Variants in RBFOX1 observed in about 807,000 individuals in gnomAD.
The protein encoded by RBFOX1 is RNA binding protein fox-1 homolog 1.
A neutral mutation model predicts 57.7 loss-of-function variants in RBFOX1; 8 were observed. The observed-to-expected ratio is 0.14, with a 90% CI of 0.08 to 0.25. The LOEUF (loss-of-function observed/expected upper bound fraction) is 0.25. Ranked by LOEUF, RBFOX1 falls within the 10% of genes least tolerant of loss-of-function variation. The pLI, the probability that RBFOX1 is intolerant of heterozygous loss-of-function variation, is 1.00. For missense variants in RBFOX1, 611 were observed against 548.5 expected, an observed-to-expected ratio of 1.11 and a Z score of -1.14; for synonymous variants, 326 against 222.4, an observed-to-expected ratio of 1.47 and a Z score of -4.15.
intron 4 of RBFOX1, among the ~76,000 whole-genome samples, chr16:7,342,883 C>T (rs1399308868): frequency 6.6e-6 from 1 of 152,124 alleles, no homozygotes; most frequent in African/African-American, 2.4e-5. Flanking sequence ...ATCAGGGGGC[C>T]ATGTCATTCT....
chr16:7,682,642 A>G (rs11642752), intron 14 of RBFOX1, among the ~76,000 whole-genome samples: 18,179 of 151,250 alleles, frequency 0.12, 1,255 homozygotes, highest in Middle Eastern at 0.19. Flanking sequence ...TCAAGTTGTA[A>G]TAAGAATGTA....
rs1567633599 is a variant in RBFOX1 at position 7,189,554 on chromosome 16, A to ACACACACACACACACACAC, written c.27+137456_27+137457insCACACACACACACACACAC. ...CACTCCAAAACACTATGTCCCCCAA[A>ACACACACACACACACACAC]ACACACACACACACACACACACACA... is the stretch of plus-strand genomic sequence containing the variant. On this transcript the variant is annotated intron_variant, in intron 4 of 15. Coordinates refer to ENST00000550418, the MANE Select transcript of RBFOX1 (RefSeq NM_018723.4). Among the ~76,000 whole-genome samples the ACACACACACACACACACAC allele has an allele frequency of 1.8e-4, 24 of 135,872 alleles. 1 individual carries two copies. Among genetic ancestry groups the ACACACACACACACACACAC allele is most frequent in the Non-Finnish European group, 3.4e-4 (22 of 63,972 alleles). 89.1% of individuals were successfully genotyped at this position (135,872 alleles called of 152,430 possible). A position where few individuals can be genotyped will look rare whatever the true frequency, so the allele number is the denominator to read the frequency against.
intron 2 of RBFOX1, among the ~76,000 whole-genome samples, chr16:6,610,965 C>T (rs1175661183): frequency 6.6e-6 from 1 of 152,182 alleles, no homozygotes; most frequent in African/African-American, 2.4e-5. Flanking sequence ...AATCTGCATT[C>T]ACTTAGCAGC....
chr16:6,190,495 G>C (rs545650003), intron 1 of RBFOX1, among the ~76,000 whole-genome samples: 2 of 152,174 alleles, frequency 1.3e-5, no homozygotes, highest in Non-Finnish European at 2.9e-5. Context: ...GATTATTTCA[G>C]AAAATTAGGA....
chr16:6,142,890 G>T (rs947584398), intron 1 of RBFOX1, among the ~76,000 whole-genome samples: 3 of 152,118 alleles, frequency 2.0e-5, no homozygotes, highest in Non-Finnish European at 4.4e-5. Context: ...AAATTCCCCT[G>T]ATGTTCTCTG....
intron 1 of RBFOX1, among the ~76,000 whole-genome samples, chr16:6,283,757 T>C (rs183579217): frequency 9.1e-4 from 139 of 152,332 alleles, no homozygotes; most frequent in African/African-American, 2.7e-3. Context: ...CTTTCTTTCT[T>C]TGCAGTACTC....
chr16:5,824,558 A>C (rs146884916), intron 3 of RBFOX1, among the ~76,000 whole-genome samples: 1 of 152,150 alleles, frequency 6.6e-6, no homozygotes, highest in Non-Finnish European at 1.5e-5. Flanking sequence ...GACACATGCA[A>C]TTTCCCTCCT....
At chr16:6,980,165 G>C (rs188267151) in intron 3 of RBFOX1, among the ~76,000 whole-genome samples, 7 of 152,098 alleles carry the variant, frequency 4.6e-5, no homozygotes, top group Non-Finnish European at 8.8e-5. Context: ...TTAAGCCTCC[G>C]CAGTTAGGAT....
At chr16:5,993,637 T>G (rs1237181239) in intron 4 of RBFOX1, among the ~76,000 whole-genome samples, 2 of 152,080 alleles carry the variant, frequency 1.3e-5, no homozygotes, top group Non-Finnish European at 2.9e-5. Context: ...AGGCATTAGT[T>G]CTCCATCAAG....
chr16:6,536,149 G>A (rs1019323612), intron 2 of RBFOX1, among the ~76,000 whole-genome samples: 1 of 152,060 alleles, frequency 6.6e-6, no homozygotes, highest in Non-Finnish European at 1.5e-5. Context: ...ATCATCACAA[G>A]ACCACAATCA....
chr16:6,723,243 A>G (rs2066404819), intron 3 of RBFOX1, among the ~76,000 whole-genome samples: 1 of 152,174 alleles, frequency 6.6e-6, no homozygotes, highest in Non-Finnish European at 1.5e-5. Flanking sequence ...ATACTGTGAG[A>G]CTTTGGGCAA....
intron 3 of RBFOX1, among the ~76,000 whole-genome samples, chr16:5,816,248 C>T (rs916220505): frequency 6.6e-6 from 1 of 152,190 alleles, no homozygotes; most frequent in African/African-American, 2.4e-5. Context: ...TACCTTCTCC[C>T]CTTGGCTACC....
In RBFOX1 at chr16:7,379,068, A is replaced by G. The variant is rs148655059; in HGVS notation, c.28-139079A>G. On this transcript the variant is annotated intron_variant, in intron 4 of 15. Coordinates refer to ENST00000550418, the MANE Select transcript of RBFOX1 (RefSeq NM_018723.4). ...TATTAACAGTACTTATCTCATAGAA[A>G]TGTAGTACTGGGTATGTTTCTGGCC... is the stretch of plus-strand genomic sequence containing the variant. Among the ~76,000 whole-genome samples, 37 of 152,334 alleles carry G rather than the reference A, an allele frequency of 2.4e-4. No homozygotes were observed. The East Asian group carries it at 6.4e-3, about 26-fold the overall frequency.
At chr16:6,258,917 A>G (rs2097685194) in intron 1 of RBFOX1, among the ~76,000 whole-genome samples, 1 of 152,208 alleles carries the variant, frequency 6.6e-6, no homozygotes, top group African/African-American at 2.4e-5. Flanking sequence ...AAATTTAAAA[A>G]CATTTAAATG....
chr16:6,826,636 A>T (rs1179109707), intron 3 of RBFOX1, among the ~76,000 whole-genome samples: 7 of 151,712 alleles, frequency 4.6e-5, no homozygotes, highest in Non-Finnish European at 8.8e-5. Context: ...TCTTTTTTTT[A>T]AAAACCTTCC....
At chr16:6,331,610 A>G (rs373755784) in intron 2 of RBFOX1, among the ~76,000 whole-genome samples, 31 of 21,744 alleles carry the variant, frequency 1.4e-3, no homozygotes, top group East Asian at 3.4e-3. Context: ...ATATATGTGT[A>G]TATATATATA....
intron 5 of RBFOX1, among the ~76,000 whole-genome samples, chr16:7,541,055 A>T (rs1283787124): frequency 6.6e-6 from 1 of 152,164 alleles, no homozygotes; most frequent in African/African-American, 2.4e-5. Flanking sequence ...TTCCTTTTAG[A>T]AGCACCCCTA....
intron 10 of RBFOX1, among the ~76,000 whole-genome samples, chr16:7,621,365 A>G (rs180818763): frequency 1.3e-5 from 2 of 152,142 alleles, no homozygotes; most frequent in East Asian, 1.9e-4. Flanking sequence ...GGTTCAAGCA[A>G]TTCTTGTGCC....
At chr16:6,852,328 T>G (rs1164157766) in intron 3 of RBFOX1, among the ~76,000 whole-genome samples, 2 of 152,122 alleles carry the variant, frequency 1.3e-5, no homozygotes, top group African/African-American at 4.8e-5. Flanking sequence ...TGAGGTTGCG[T>G]GTAGGGCCCT....
Sources: allele counts gnomAD v4.1 joint callset (sites outside exome capture counted in the v4.1 genomes callset), GRCh38; gene constraint gnomAD v4.1.1; transcripts MANE v1.5; gene names NCBI Gene and HGNC (gene_info 2026-07-23, HGNC 2026-07-21).